AGTPBP1: variants seen among roughly 807,000 people sequenced by gnomAD.
AGTPBP1 encodes cytosolic carboxypeptidase 1.
In AGTPBP1, 70 loss-of-function variants were observed where a neutral mutation model predicts 143.9. That is an observed-to-expected ratio of 0.49 (90% CI 0.40 to 0.59). The LOEUF (loss-of-function observed/expected upper bound fraction) is 0.59, where lower values mean the gene tolerates loss of function less well. Ranked by LOEUF, AGTPBP1 falls within the 20% of genes least tolerant of loss-of-function variation. The probability of loss-of-function intolerance (pLI) is 0.00; values close to 1 mark genes in which losing one functional copy is unlikely to be tolerated. For missense variants in AGTPBP1, 1,229 were observed against 1,464.5 expected (o/e 0.84, Z 2.62); for synonymous variants, 463 against 500.2 (o/e 0.93, Z 0.99).
At chr9:85,711,597 A>T (rs895509598) in intron 2 of AGTPBP1, among the ~76,000 whole-genome samples, 1 of 151,540 alleles carries the variant, frequency 6.6e-6, no homozygotes, top group Non-Finnish European at 1.5e-5. Context: ...CTACCACCAC[A>T]CCTGGCTAAT....
intron 17 of AGTPBP1, among the ~76,000 whole-genome samples, chr9:85,609,568 A>G (rs982086803): frequency 8.5e-5 from 13 of 152,202 alleles, no homozygotes; most frequent in Admixed American, 3.9e-4. Flanking sequence ...GACGTGAGCC[A>G]CCGCGCCCGG....
In AGTPBP1 at chr9:85,741,905, A is replaced by AGGCGGCGGCGGCGGCAGC. The variant is rs1824331997; in HGVS notation, c.-182_-165dup. On this transcript the variant is annotated 5_prime_UTR_variant, in exon 1 of 26. Transcript: ENST00000357081. ...CAAACCCCGGTGGCAGGCGAGGCGG[A>AGGCGGCGGCGGCGGCAGC]GGCGGCGGCGGCGGCAGCTGCGGCG... The AGGCGGCGGCGGCGGCAGC allele has an allele frequency of 7.5e-7, 1 of 1,335,984 alleles. No individual in the cohort carries two copies. The highest frequency in any genetic ancestry group is 9.6e-7 in the Non-Finnish European group (1 of 1,046,516). 82.8% of individuals were successfully genotyped at this position (1,335,984 alleles called of 1,614,324 possible).
intron 2 of AGTPBP1, among the ~76,000 whole-genome samples, chr9:85,706,674 T>A (rs1365804570): frequency 1.3e-5 from 2 of 151,492 alleles, no homozygotes; most frequent in African/African-American, 4.8e-5. Context: ...ATCGAGACTA[T>A]CCTGGCTAAC....
chr9:85,699,121 C>A (rs531732505), intron 2 of AGTPBP1, among the ~76,000 whole-genome samples: 1 of 152,102 alleles, frequency 6.6e-6, no homozygotes, highest in South Asian at 2.1e-4. Context: ...AAGTTAACTT[C>A]AAATGCATAT....
chr9:85,655,405 A>G, intron 10 of AGTPBP1, 85 bp from the exon 11 acceptor site: 1 of 1,141,550 alleles, frequency 8.8e-7, no homozygotes, highest in Non-Finnish European at 1.2e-6. Context: ...AGTGTCATAC[A>G]TTAATAATTT....
upstream of AGTPBP1, chr9:85,742,128 C>G (rs1824371003): frequency 4.6e-6 from 4 of 864,486 alleles, no homozygotes; most frequent in Non-Finnish European, 4.4e-6. Context: ...CGCTGCGCCC[C>G]GCCTCTCTGC....
At chr9:85,765,921 T>C in the AGTPBP1 span, among the ~76,000 whole-genome samples, 1 of 152,140 alleles carries the variant, frequency 6.6e-6, no homozygotes, top group African/African-American at 2.4e-5. Context: ...GAAAGGAACA[T>C]TATAGCCCTC....
At chr9:85,697,766 T>A (rs1836361397) in intron 2 of AGTPBP1, among the ~76,000 whole-genome samples, 1 of 152,212 alleles carries the variant, frequency 6.6e-6, no homozygotes, top group African/African-American at 2.4e-5. Context: ...ATTTGTTATA[T>A]GATAAATATC....
chr9:85,617,334 T>C (rs573653516), intron 17 of AGTPBP1, among the ~76,000 whole-genome samples: 159 of 152,268 alleles, frequency 1.0e-3, no homozygotes, highest in African/African-American at 3.6e-3. Flanking sequence ...TTGTCACACA[T>C]ATGTTTCTTC....
intron 25 of AGTPBP1, among the ~76,000 whole-genome samples, chr9:85,563,022 G>A (rs1218643837): frequency 6.6e-6 from 1 of 152,128 alleles, no homozygotes; most frequent in African/African-American, 2.4e-5. Context: ...GTCTATCAAA[G>A]AACAAGGCCC....
chr9:85,779,174 GATAT>G, the AGTPBP1 span, among the ~76,000 whole-genome samples: 5 of 129,246 alleles, frequency 3.9e-5, no homozygotes, highest in African/African-American at 1.5e-4. Flanking sequence ...ACTAATAGGA[GATAT>G]ATAGATATAG....
At chr9:85,776,652 A>G in the AGTPBP1 span, among the ~76,000 whole-genome samples, 6 of 152,028 alleles carry the variant, frequency 3.9e-5, no homozygotes, top group African/African-American at 1.4e-4. Context: ...CAATACTGTA[A>G]CTCCCTTCTT....
intron 15 of AGTPBP1, 76 bp downstream of exon 15, chr9:85,621,126 T>C: frequency 1.0e-5 from 8 of 790,778 alleles, no homozygotes; most frequent in Non-Finnish European, 1.5e-5. Flanking sequence ...CACAGAATTT[T>C]TATCTTTTAG....
the AGTPBP1 span, among the ~76,000 whole-genome samples, chr9:85,790,843 T>C: frequency 6.6e-6 from 1 of 152,144 alleles, no homozygotes; most frequent in Non-Finnish European, 1.5e-5. Flanking sequence ...AAGATCCCTA[T>C]ATGCCCAAGG....
the AGTPBP1 span, among the ~76,000 whole-genome samples, chr9:85,754,252 C>A: frequency 0.048 from 7,278 of 152,218 alleles, 291 homozygotes; most frequent in African/African-American, 0.11. Context: ...AGTGCTGTGG[C>A]ACGATCTCAG....
At chr9:85,661,841 A>G (rs151313512) in intron 8 of AGTPBP1, among the ~76,000 whole-genome samples, 5 of 152,310 alleles carry the variant, frequency 3.3e-5, no homozygotes, top group African/African-American at 1.2e-4. Flanking sequence ...ATCAACAATT[A>G]CAATTAATTT....
At chr9:85,705,336 A>T (rs530752211) in intron 2 of AGTPBP1, among the ~76,000 whole-genome samples, 1 of 152,112 alleles carries the variant, frequency 6.6e-6, no homozygotes, top group East Asian at 1.9e-4. Flanking sequence ...CTATACACAG[A>T]AGAACTAAGA....
chr9:85,763,961 A>C, the AGTPBP1 span, among the ~76,000 whole-genome samples: 1 of 152,184 alleles, frequency 6.6e-6, no homozygotes, highest in Non-Finnish European at 1.5e-5. Flanking sequence ...AAATCTGGCC[A>C]TATTTTCTGA....
At chr9:85,680,622 T>G (rs1193489159) in intron 4 of AGTPBP1, among the ~76,000 whole-genome samples, 2 of 151,432 alleles carry the variant, frequency 1.3e-5, no homozygotes, top group Admixed American at 1.3e-4. Flanking sequence ...AAAAAAACTG[T>G]TGGTAACTTT....
Sources: allele counts gnomAD v4.1 joint callset (sites outside exome capture counted in the v4.1 genomes callset), GRCh38; gene constraint gnomAD v4.1.1; transcripts MANE v1.5; gene names NCBI Gene and HGNC (gene_info 2026-07-23, HGNC 2026-07-21).